The following DNAJC7 variants were observed in gnomAD, a reference collection of about 807,000 sequenced individuals.
The protein encoded by DNAJC7 is DnaJ heat shock protein family (Hsp40) member C7.
Under a neutral mutation model 67.4 loss-of-function variants are expected in DNAJC7, and 18 were observed. That is an observed-to-expected ratio of 0.27 (90% CI 0.18 to 0.40). The LOEUF (loss-of-function observed/expected upper bound fraction) is 0.40, where lower values mean the gene tolerates loss of function less well. DNAJC7 is among the 10% of genes least tolerant of loss of function. The probability of loss-of-function intolerance (pLI) is 1.00; values close to 1 mark genes in which losing one functional copy is unlikely to be tolerated. For synonymous variants in DNAJC7, 220 were observed against 207.8 expected (o/e 1.06, Z -0.50); for missense variants, 419 against 613.8 (o/e 0.68, Z 3.35).
At chr17:41,984,156 A>C (rs2051316921) in intron 9 of DNAJC7, 1 of 152,498 alleles carries the variant, frequency 6.6e-6, no homozygotes, top group Non-Finnish European at 1.5e-5. Flanking sequence ...CTCCACTAAG[A>C]CCAATCAATG....
chr17:41,979,885 C>T (rs1422504108), intron 12 of DNAJC7, among the ~76,000 whole-genome samples: 2 of 151,396 alleles, frequency 1.3e-5, no homozygotes, highest in East Asian at 4.0e-4. Flanking sequence ...CACTTGAACC[C>T]TGGAGGCGGA....
rs868920771 is a variant in DNAJC7 at position 41,990,531 on chromosome 17, T to G, written c.481-149A>C. 1.2e-5 allele frequency: 8 copies of G among 660,116 alleles called. No individual in the cohort carries two copies. In the South Asian group the frequency reaches 1.3e-4, roughly 11 times the overall value. The allele number at this position is 660,116 out of a possible 1,614,324, so 40.9% of individuals were successfully genotyped here. A position where few individuals can be genotyped will look rare whatever the true frequency, so the allele number is the denominator to read the frequency against. On this transcript the variant is annotated intron_variant, in intron 5 of 13. Transcript: ENST00000457167. Reference sequence around the variant, plus strand: ...TATCAAAGTTTAAAAACATACCTAATTCATTAAATAAAAGCACTGAAATGA... The same window carrying G: ...TATCAAAGTTTAAAAACATACCTAAGTCATTAAATAAAAGCACTGAAATGA...
chr17:41,979,124 A>G (rs1555645466), intron 12 of DNAJC7, among the ~76,000 whole-genome samples: 2 of 150,982 alleles, frequency 1.3e-5, no homozygotes, highest in African/African-American at 4.9e-5. Context: ...GGATCACACA[A>G]AGTCAGGAGT....
intron 1 of DNAJC7, among the ~76,000 whole-genome samples, chr17:42,001,584 C>G (rs184307980): frequency 6.6e-6 from 1 of 152,136 alleles, no homozygotes; most frequent in Non-Finnish European, 1.5e-5. Context: ...GCAACATTAA[C>G]TAAGTACCTG....
At position 41,997,209 on chromosome 17, in the gene DNAJC7, C is replaced by T; in HGVS notation, c.197G>A (p.Gly66Asp). The T allele has an allele frequency of 6.2e-7, 1 of 1,613,818 alleles. No homozygotes were observed. Among genetic ancestry groups the T allele is most frequent in the Non-Finnish European group, 8.5e-7 (1 of 1,179,828 alleles). Residue 66 changes from glycine to aspartate, a missense_variant, in exon 3 of 14, where the codon GGT (glycine) becomes GAT (aspartate). Transcript: ENST00000457167. ...CATCATCAAGGTGGCTGCTCGATTA[C>T]CATAATAGCTAGCATTTTTAGGACA... ...DMCPKNASYY[G>D]NRAATLMMLG...
intron 3 of DNAJC7, 76 bp downstream of exon 3, chr17:41,997,039 G>T (rs2051679467): frequency 6.2e-7 from 1 of 1,600,876 alleles, no homozygotes; most frequent in Admixed American, 1.7e-5. Context: ...GTAGTGTCAA[G>T]GTTGAGAAAT....
intron 1 of DNAJC7, among the ~76,000 whole-genome samples, chr17:42,001,321 G>A (rs1210644117): frequency 2.0e-5 from 3 of 152,124 alleles, no homozygotes; most frequent in African/African-American, 4.8e-5. Context: ...CAGCAACTGG[G>A]TGATAGCAGT....
intron 5 of DNAJC7, among the ~76,000 whole-genome samples, chr17:41,991,619 C>T (rs574066994): frequency 6.6e-6 from 1 of 151,998 alleles, no homozygotes; most frequent in African/African-American, 2.4e-5. Flanking sequence ...GAGAACTGGG[C>T]GGAGAGAGGA....
chr17:41,982,121 G>C (rs2051266603), intron 11 of DNAJC7, 114 bp from the exon 12 acceptor site: 1 of 1,551,720 alleles, frequency 6.4e-7, no homozygotes. Flanking sequence ...CCCAAAATTT[G>C]GAGGGTCCAC....
chr17:41,989,580 C>A, intron 6 of DNAJC7, 23 bp from the exon 7 acceptor site: 17 of 1,612,032 alleles, frequency 1.1e-5, no homozygotes, highest in Non-Finnish European at 1.4e-5. Context: ...GAAAAGGGCA[C>A]ATTGAGCTGT....
intron 12 of DNAJC7, chr17:41,981,488 C>T (rs183282312): frequency 6.0e-5 from 11 of 182,012 alleles, no homozygotes; most frequent in Non-Finnish European, 3.4e-5. Context: ...GCCACCGCGC[C>T]CAGCCTAATT....
intron 12 of DNAJC7, among the ~76,000 whole-genome samples, chr17:41,978,963 T>C (rs2051168467): frequency 6.6e-6 from 1 of 152,236 alleles, no homozygotes; most frequent in Non-Finnish European, 1.5e-5. Context: ...TTTATTGTGG[T>C]GAACCTAGGT....
intron 9 of DNAJC7, among the ~76,000 whole-genome samples, chr17:41,984,080 G>C (rs1371222262): frequency 6.6e-6 from 1 of 152,180 alleles, no homozygotes. Context: ...CTACAATCCA[G>C]AATAGAGGTG....
At chr17:41,989,372 T>C (rs2051457385) in intron 7 of DNAJC7, 32 bp downstream of exon 7, 1 of 1,609,014 alleles carries the variant, frequency 6.2e-7, no homozygotes, top group Non-Finnish European at 8.5e-7. Flanking sequence ...AAGGAAGCTC[T>C]TTCCCAGTTA....
At chr17:41,980,941 T>G (rs1406851262) in intron 12 of DNAJC7, among the ~76,000 whole-genome samples, 1 of 152,206 alleles carries the variant, frequency 6.6e-6, no homozygotes, top group African/African-American at 2.4e-5. Context: ...CTGATCCAGC[T>G]ACTTGCCGGC....
rs1555646090 is a variant in DNAJC7 at position 41,982,239 on chromosome 17, C to G, written c.1231+16G>C. ...CGGGTTCTTCCCACTGAGCCCACTC[C>G]CCGCACCTACTCTACCTGGATGGTG... On this transcript the variant is annotated intron_variant, in intron 11 of 13. Transcript: ENST00000457167. 6 of 1,613,796 alleles carry G rather than the reference C, an allele frequency of 3.7e-6. No individual in the cohort carries two copies. The highest frequency in any genetic ancestry group is 2.2e-5 in the South Asian group (2 of 91,056).
chr17:41,987,922 A>G lies in DNAJC7; in HGVS notation c.919-12T>C. The G allele has an allele frequency of 6.2e-7, 1 of 1,604,218 alleles. No individual in the cohort carries two copies. Among genetic ancestry groups the G allele is most frequent in the Non-Finnish European group, 8.5e-7 (1 of 1,174,844 alleles). Reference sequence around the variant, plus strand: ...TCTAGTTTCCTAAGCTTCAGGAGAGAGAGAGCAATCATACTTCACACCTTT... The same window carrying G: ...TCTAGTTTCCTAAGCTTCAGGAGAGGGAGAGCAATCATACTTCACACCTTT... On this transcript the variant is annotated splice_polypyrimidine_tract_variant and intron_variant, in intron 8 of 13. Coordinates refer to ENST00000457167, the MANE Select transcript of DNAJC7 (RefSeq NM_003315.4).
chr17:42,010,660 C>T (rs1327461786), intron 1 of DNAJC7, among the ~76,000 whole-genome samples: 25 of 152,108 alleles, frequency 1.6e-4, no homozygotes, highest in African/African-American at 6.0e-4. Flanking sequence ...TCAGGGCAAA[C>T]TGTCCAAGGA....
chr17:41,999,430 A>T (rs1302793533), intron 2 of DNAJC7, among the ~76,000 whole-genome samples: 1 of 151,638 alleles, frequency 6.6e-6, no homozygotes, highest in Non-Finnish European at 1.5e-5. Context: ...CCTTCATGAG[A>T]TCATTAAGCC....
Sources: allele counts gnomAD v4.1 joint callset (sites outside exome capture counted in the v4.1 genomes callset), GRCh38; gene constraint gnomAD v4.1.1; transcripts MANE v1.5; gene names NCBI Gene and HGNC (gene_info 2026-07-23, HGNC 2026-07-21).